LIFR: variants seen among roughly 807,000 people sequenced by gnomAD.
The protein encoded by LIFR is LIF receptor subunit alpha.
In LIFR, 84 loss-of-function variants were observed where a neutral mutation model predicts 122.2. The observed-to-expected ratio is 0.69, with a 90% CI of 0.58 to 0.82. LIFR has a LOEUF of 0.82. LIFR is among the 40% of genes least tolerant of loss of function. LIFR has a pLI of 0.00. For missense variants in LIFR, 1,294 were observed against 1,311.6 expected, an observed-to-expected ratio of 0.99 and a Z score of 0.21; for synonymous variants, 422 against 434.7, an observed-to-expected ratio of 0.97 and a Z score of 0.36.
chr5:38,573,943 C>T (rs576378607), intron 1 of LIFR, among the ~76,000 whole-genome samples: 1 of 151,976 alleles, frequency 6.6e-6, no homozygotes, highest in African/African-American at 2.4e-5. Flanking sequence ...GGTGAAACCC[C>T]GTCTCTACTA....
chr5:38,507,563 CAA>C (rs35427960), intron 7 of LIFR, among the ~76,000 whole-genome samples: 13 of 110,942 alleles, frequency 1.2e-4, no homozygotes, highest in African/African-American at 4.0e-4. Context: ...TACTCCGTCT[CAA>C]AAAAAAAAAA....
intron 7 of LIFR, among the ~76,000 whole-genome samples, chr5:38,507,407 T>C (rs556933564): frequency 1.9e-4 from 29 of 151,552 alleles, no homozygotes; most frequent in African/African-American, 4.6e-4. Flanking sequence ...CCACTAAAAA[T>C]ACAAAAATTA....
chr5:38,510,499 T>C lies in LIFR; in HGVS notation c.956A>G (p.Glu319Gly). Reference sequence around the variant, plus strand: ...AATAACGGTTCCAAATATGTTATCTTCGGTTGTAAAAACTACATTTGTTCC... The same window carrying C: ...AATAACGGTTCCAAATATGTTATCTCCGGTTGTAAAAACTACATTTGTTCC... ...SSGTNVVFTT[E>G]DNIFGTVIFA... The change falls in exon 7 of 20, where the codon GAA becomes GGA. Residue 319 changes from glutamate to glycine, a missense_variant. Transcript: ENST00000453190. The C allele has an allele frequency of 6.2e-7, 1 of 1,613,762 alleles. No homozygotes were observed. The highest frequency in any genetic ancestry group is 8.5e-7 in the Non-Finnish European group (1 of 1,179,808).
chr5:38,507,787 A>T (rs1745574277), intron 7 of LIFR, among the ~76,000 whole-genome samples: 1 of 147,292 alleles, frequency 6.8e-6, no homozygotes, highest in Admixed American at 7.2e-5. Context: ...AATCTGAATT[A>T]AAAAAAAAAT....
rs138281971 is a variant in LIFR at position 38,530,451 on chromosome 5, C to A, written c.142+55G>T. 3.1e-4 allele frequency: 466 copies of A among 1,521,182 alleles called. No individual in the cohort carries two copies. In the African/African-American group the frequency reaches 6.1e-3, roughly 20 times the overall value. The allele number at this position is 1,521,182 out of a possible 1,614,324, so 94.2% of individuals were successfully genotyped here. A position where few individuals can be genotyped will look rare whatever the true frequency, so the allele number is the denominator to read the frequency against. ...TAAAGCAACAAAATTGCTTCGTCAT[C>A]AAAATGGAAATAAAACTGCAATCTG... On this transcript the variant is annotated intron_variant, in intron 2 of 19. Coordinates refer to ENST00000453190, the MANE Select transcript of LIFR (RefSeq NM_001127671.2).
intron 3 of LIFR, 123 bp downstream of exon 3, chr5:38,528,601 ACT>A (rs1409411627): frequency 1.9e-5 from 14 of 725,182 alleles, no homozygotes; most frequent in South Asian, 1.2e-4. Flanking sequence ...GTCACGGCAG[ACT>A]CTGCTGGACA....
rs1745628375 is a variant in LIFR at position 38,508,684 on chromosome 5, C to G, written c.991+1780G>C. Among the ~76,000 whole-genome samples the G allele has an allele frequency of 2.0e-5, 3 of 152,014 alleles. No homozygotes were observed. In the South Asian group the frequency reaches 6.2e-4, roughly 31 times the overall value. On this transcript the variant is annotated intron_variant, in intron 7 of 19. Transcript: ENST00000453190. Reference sequence around the variant, plus strand: ...CTCCGCCTCCTGGGTTCATGCCACTCTCCTGCCTCAGCTTCCCGAGTAGCT... The same window carrying G: ...CTCCGCCTCCTGGGTTCATGCCACTGTCCTGCCTCAGCTTCCCGAGTAGCT...
At chr5:38,586,124 TTTTTC>T (rs1338086074) in intron 1 of LIFR, among the ~76,000 whole-genome samples, 1 of 152,166 alleles carries the variant, frequency 6.6e-6, no homozygotes, top group Non-Finnish European at 1.5e-5. Flanking sequence ...TTGGTTTCCT[TTTTTC>T]TTTTCTTTCT....
At position 38,478,919 on chromosome 5, in the gene LIFR, G is replaced by C; in HGVS notation, c.*2676C>G. The stretch of plus-strand genomic sequence containing the variant: ...CACATCTAGCCTCTGCTTCTAACTA[G>C]TCCTTAATTGTAGCTTCCAAGGGAG... On this transcript the variant is annotated 3_prime_UTR_variant, in exon 20 of 20. Transcript: ENST00000453190. 4.4e-6 allele frequency: 1 copy of C among 229,122 alleles called. No homozygotes were observed. Among genetic ancestry groups the C allele is most frequent in the Middle Eastern group, 1.3e-3 (1 of 766 alleles). The allele number at this position is 229,122 out of a possible 1,614,324, so 14.2% of individuals were successfully genotyped here.
In LIFR at chr5:38,542,689, T is replaced by C. The variant is rs60854969; in HGVS notation, c.-19-12023A>G. ...TGTGCACCTCCTCACAGTGGCCCCG[T>C]GCTTAAGTTCCACCAAATGTGTAAA... On this transcript the variant is annotated intron_variant, in intron 1 of 19. Coordinates refer to ENST00000453190, the MANE Select transcript of LIFR (RefSeq NM_001127671.2). Among the ~76,000 whole-genome samples the C allele has an allele frequency of 4.5e-3, 687 of 152,224 alleles. 7 individuals are homozygous for C. Among genetic ancestry groups the C allele is most frequent in the African/African-American group, 0.015 (638 of 41,544 alleles).
chr5:38,495,280 T>C (rs1744817517), intron 13 of LIFR, among the ~76,000 whole-genome samples: 1 of 152,240 alleles, frequency 6.6e-6, no homozygotes, highest in Non-Finnish European at 1.5e-5. Context: ...CCTAGCATTG[T>C]GAGTGCAATG....
At chr5:38,561,980 G>A (rs1023960293) in intron 1 of LIFR, among the ~76,000 whole-genome samples, 1 of 152,092 alleles carries the variant, frequency 6.6e-6, no homozygotes, top group African/African-American at 2.4e-5. Context: ...TATACTCTTG[G>A]GAGGCTAAAT....
At chr5:38,497,937 G>A (rs1041378126) in intron 12 of LIFR, among the ~76,000 whole-genome samples, 1 of 151,902 alleles carries the variant, frequency 6.6e-6, no homozygotes, top group African/African-American at 2.4e-5. Context: ...ACTTTTTTGT[G>A]CCACTTTTTT....
chr5:38,547,565 T>C (rs1205471557), intron 1 of LIFR, among the ~76,000 whole-genome samples: 1 of 152,020 alleles, frequency 6.6e-6, no homozygotes, highest in Non-Finnish European at 1.5e-5. Context: ...CTTTCACGAC[T>C]ACTGAGGGTC....
At chr5:38,527,040 G>C (rs941928702) in intron 4 of LIFR, 115 bp downstream of exon 4, 2 of 918,608 alleles carry the variant, frequency 2.2e-6, no homozygotes, top group African/African-American at 3.3e-5. Flanking sequence ...GGAGGTTGCT[G>C]AGTGAATTAA....
intron 1 of LIFR, among the ~76,000 whole-genome samples, chr5:38,545,848 C>T (rs1189150681): frequency 3.0e-5 from 4 of 132,970 alleles, no homozygotes; most frequent in East Asian, 2.2e-4. Context: ...GGTGACAGAG[C>T]GAGACTCCAT....
In LIFR at chr5:38,492,513, A is replaced by G. The variant is rs183062747; in HGVS notation, c.2065+1093T>C. On this transcript the variant is annotated intron_variant, in intron 14 of 19. Transcript: ENST00000453190. ...AGGGTAGCATGTGGCTGGGTCCTTG[A>G]TAAGTACAGTGCACTGTAAGGAAGG... Among the ~76,000 whole-genome samples the G allele has an allele frequency of 4.9e-3, 750 of 152,282 alleles. 15 individuals are homozygous for G. Among genetic ancestry groups the G allele is most frequent in the Admixed American group, 0.042 (645 of 15,300 alleles).
chr5:38,566,423 T>A (rs1378140660), intron 1 of LIFR, among the ~76,000 whole-genome samples: 1 of 152,222 alleles, frequency 6.6e-6, no homozygotes, highest in Non-Finnish European at 1.5e-5. Flanking sequence ...AAGAATCTTT[T>A]TTCCCCCAGC....
intron 1 of LIFR, among the ~76,000 whole-genome samples, chr5:38,590,757 C>T (rs1749897011): frequency 6.6e-6 from 1 of 152,178 alleles, no homozygotes; most frequent in Middle Eastern, 3.2e-3. Context: ...ATTATTATCT[C>T]CCCTTTATAG....
Sources: allele counts gnomAD v4.1 joint callset (sites outside exome capture counted in the v4.1 genomes callset), GRCh38; gene constraint gnomAD v4.1.1; transcripts MANE v1.5; gene names NCBI Gene and HGNC (gene_info 2026-07-23, HGNC 2026-07-21).